Variants in SALL3 observed in about 807,000 individuals in gnomAD.
SALL3 encodes the protein spalt like transcription factor 3.
In SALL3, 25 loss-of-function variants were observed where a neutral mutation model predicts 66.2. That is an observed-to-expected ratio of 0.38 (90% CI 0.28 to 0.53). The LOEUF (loss-of-function observed/expected upper bound fraction) is 0.53. Ranked by LOEUF, SALL3 falls within the 20% of genes least tolerant of loss-of-function variation. SALL3 has a pLI of 0.85. For synonymous variants in SALL3, 1,152 were observed against 899.1 expected (o/e 1.28, Z -5.03); for missense variants, 2,194 against 1,916.5 (o/e 1.14, Z -2.70).
rs376742118 is a variant in SALL3 at position 78,992,126 on chromosome 18, C to A, written c.135C>A (p.Ser45Arg). 4 of 1,598,496 alleles carry A rather than the reference C, an allele frequency of 2.5e-6. No individual in the cohort carries two copies. Among genetic ancestry groups the A allele is most frequent in the Non-Finnish European group, 3.4e-6 (4 of 1,173,654 alleles). ...EDADSGPESR[S>R]GGEETSVCEK... is the part of the protein sequence containing the mutation. ...CAGACAGCGGGCCCGAGAGCCGCAG[C>A]GGGGGCGAGGAGACCAGCGTGTGCG... The change falls in exon 2 of 3, where the codon AGC becomes AGA. Residue 45 changes from serine (S) to arginine (R), a missense_variant. Transcript: ENST00000537592.
Position 78,993,586 on chromosome 18 carries a change from C to T in SALL3, c.1595C>T (p.Pro532Leu), listed in dbSNP as rs374632974. Reference protein sequence around the residue: ...VPTSVGLQLPPTVPGAHGYAD... With the variant: ...VPTSVGLQLPLTVPGAHGYAD... ...ACGTCCGTGGGGCTGCAACTGCCGC[C>T]CACTGTCCCTGGCGCGCACGGCTAC... Residue 532 changes from proline (P) to leucine (L), a missense_variant, in exon 2 of 3, where the codon CCC becomes CTC. Coordinates refer to ENST00000537592, the MANE Select transcript of SALL3 (RefSeq NM_171999.4). The T allele has an allele frequency of 7.6e-6, 12 of 1,589,264 alleles. No homozygotes were observed. The African/African-American group carries it at 8.1e-5, about 11-fold the overall frequency.
In SALL3 at chr18:78,994,761, G is replaced by T. The variant is rs1408159913; in HGVS notation, c.2770G>T (p.Ala924Ser). ...SFRSKSPGLG[A>S]PEEPQEIPLK... The stretch of plus-strand genomic sequence containing the variant: ...CCGCTCCAAGTCCCCGGGCCTGGGC[G>T]CCCCGGAGGAGCCCCAGGAAATCCC... The change falls in exon 2 of 3, where the codon GCC (alanine) becomes TCC (serine). Residue 924 changes from alanine (A) to serine (S), a missense_variant. Ala to Ser is a moderately conservative substitution (Grantham distance 99). Transcript: ENST00000537592. The T allele has an allele frequency of 6.3e-7, 1 of 1,599,750 alleles. No homozygotes were observed. Among genetic ancestry groups the T allele is most frequent in the South Asian group, 1.1e-5 (1 of 90,574 alleles).
chr18:78,992,311 C>G lies in SALL3; in HGVS notation c.320C>G (p.Ala107Gly). 2.0e-6 allele frequency: 3 copies of G among 1,499,446 alleles called. No homozygotes were observed. The highest frequency in any genetic ancestry group is 2.6e-6 in the Non-Finnish European group (3 of 1,133,508). 92.9% of individuals were successfully genotyped at this position (1,499,446 alleles called of 1,614,324 possible). A position where few individuals can be genotyped will look rare whatever the true frequency, so the allele number is the denominator to read the frequency against. The change falls in exon 2 of 3, where the codon GCC becomes GGC. Residue 107 changes from alanine to glycine, a missense_variant. Coordinates refer to ENST00000537592, the MANE Select transcript of SALL3 (RefSeq NM_171999.4). ...PSPASSPSER[A>G]ESEAAEEAGA... ...CCCGCCAGCTCCCCCAGCGAGCGCG[C>G]CGAAAGCGAGGCGGCCGAGGAGGCG...
At chr18:78,992,043 C>G (rs753330640) in intron 1 of SALL3, 31 bp from the exon 2 acceptor site, 7 of 1,393,338 alleles carry the variant, frequency 5.0e-6, no homozygotes, top group Non-Finnish European at 6.5e-6. Context: ...GGGCGCCGAG[C>G]CCCGGCTGAC....
At chr18:78,990,468 CA>C (rs1346387446) in intron 1 of SALL3, among the ~76,000 whole-genome samples, 1 of 152,138 alleles carries the variant, frequency 6.6e-6, no homozygotes, top group Non-Finnish European at 1.5e-5. Context: ...AAACTAGCCT[CA>C]AAAAATATTT....
At chr18:78,984,577 A>C (rs999175449) in intron 1 of SALL3, among the ~76,000 whole-genome samples, 4 of 152,182 alleles carry the variant, frequency 2.6e-5, no homozygotes, top group African/African-American at 7.2e-5. Flanking sequence ...AATGAAACAA[A>C]CTGTATGTAA....
In SALL3 at chr18:78,993,944, G is replaced by C. The variant is rs1261682376; in HGVS notation, c.1953G>C (p.Gly651=). ...TCAAGGCCCAGTTTCCGTTCGGGGG[G>C]CTGCTAGACTCGATGCAAACGTCGG... ...EQFKAQFPFG[G]LLDSMQTSET... is the part of the protein sequence containing the mutation. The change falls in exon 2 of 3, where the codon GGG becomes GGC. Residue 651 remains glycine (G), a synonymous_variant. Coordinates refer to ENST00000537592, the MANE Select transcript of SALL3 (RefSeq NM_171999.4). 1 of 1,609,846 alleles carries C rather than the reference G, an allele frequency of 6.2e-7. No homozygotes were observed. The highest frequency in any genetic ancestry group is 8.5e-7 in the Non-Finnish European group (1 of 1,178,624).
rs1914635758 is a variant in SALL3 at position 78,995,006 on chromosome 18, C to T, written c.3015C>T (p.Phe1005=). Residue 1005 remains phenylalanine, a synonymous_variant, in exon 2 of 3, where the codon TTC becomes TTT. Transcript: ENST00000537592. ...HYRSHTKERP[F]VCALCRRGCS... The stretch of plus-strand genomic sequence containing the variant: ...GCAGCCATACTAAGGAGCGGCCATT[C>T]GTCTGCGCGCTCTGCAGGCGAGGGT... The T allele has an allele frequency of 6.2e-7, 1 of 1,613,918 alleles. No individual in the cohort carries two copies. Among genetic ancestry groups the T allele is most frequent in the Non-Finnish European group, 8.5e-7 (1 of 1,180,030 alleles).
Position 78,994,989 on chromosome 18 carries a change from A to G in SALL3, c.2998A>G (p.Thr1000Ala), listed in dbSNP as rs768221243. The G allele has an allele frequency of 2.5e-6, 4 of 1,613,866 alleles. No individual in the cohort carries two copies. Among genetic ancestry groups the G allele is most frequent in the South Asian group, 1.1e-5 (1 of 91,086 alleles). ...SALEIHYRSH[T>A]KERPFVCALC... Reference sequence around the variant, plus strand: ...GTTGGAAATCCACTACCGCAGCCATACTAAGGAGCGGCCATTCGTCTGCGC... The same window carrying G: ...GTTGGAAATCCACTACCGCAGCCATGCTAAGGAGCGGCCATTCGTCTGCGC... The change falls in exon 2 of 3, where the codon ACT (threonine) becomes GCT (alanine). Residue 1000 changes from threonine to alanine, a missense_variant. Physicochemically the swap from Thr to Ala is moderately conservative, Grantham distance 58. Coordinates refer to ENST00000537592, the MANE Select transcript of SALL3 (RefSeq NM_171999.4).
Position 78,993,056 on chromosome 18 carries a change from G to A in SALL3, c.1065G>A (p.Ala355=), listed in dbSNP as rs765949489. Residue 355 remains alanine, a synonymous_variant, in exon 2 of 3, where the codon GCG becomes GCA. Transcript: ENST00000537592. ...ALAPGSLLGA[A]PGLPSPLLPQ... is the part of the protein sequence containing the mutation. The stretch of plus-strand genomic sequence containing the variant: ...CCCCGGGGTCCCTGCTGGGTGCGGC[G>A]CCCGGCCTGCCAAGTCCGCTTCTAC... 6.9e-6 allele frequency: 11 copies of A among 1,586,314 alleles called. No individual in the cohort carries two copies. In the East Asian group the frequency reaches 1.4e-4, roughly 20 times the overall value.
At chr18:78,991,424 A>G (rs959729881) in intron 1 of SALL3, among the ~76,000 whole-genome samples, 1 of 147,762 alleles carries the variant, frequency 6.8e-6, no homozygotes, top group Non-Finnish European at 1.5e-5. Context: ...GTTGGCGGAG[A>G]TTGTTTTTCT....
rs1345531855 is a variant in SALL3 at position 78,995,046 on chromosome 18, A to G, written c.3055A>G (p.Asn1019Asp). The change falls in exon 2 of 3, where the codon AAT (asparagine) becomes GAT (aspartate). Residue 1019 changes from asparagine (N) to aspartate (D), a missense_variant. Transcript: ENST00000537592. ...CAGGCGAGGGTGCTCCACTATGGGT[A>G]ATTTAAAACAGCACTTACTGACACA... ...LCRRGCSTMG[N>D]LKQHLLTHRL... is the part of the protein sequence containing the mutation. 3.1e-6 allele frequency: 5 copies of G among 1,613,830 alleles called. No individual in the cohort carries two copies. In the South Asian group the frequency reaches 3.3e-5, roughly 11 times the overall value.
intron 1 of SALL3, among the ~76,000 whole-genome samples, chr18:78,985,746 G>A (rs934745760): frequency 6.6e-6 from 1 of 152,150 alleles, no homozygotes; most frequent in African/African-American, 2.4e-5. Context: ...TGTCTAAGTG[G>A]TTTTGCGTAT....
intron 1 of SALL3, among the ~76,000 whole-genome samples, chr18:78,988,755 C>T (rs756549603): frequency 5.9e-5 from 9 of 152,128 alleles, no homozygotes; most frequent in Non-Finnish European, 7.4e-5. Flanking sequence ...CTGGGGCACG[C>T]GAGAACAATT....
chr18:78,993,631 C>T lies in SALL3; in HGVS notation c.1640C>T (p.Thr547Ile), dbSNP rs780957874. ...AHGYADSPSA[T>I]PASRSPQRPS... ...GGCTACGCCGACTCTCCCAGCGCCACCCCAGCCAGCCGCTCCCCGCAGAGG... is the reference window on the plus strand; with the variant it reads ...GGCTACGCCGACTCTCCCAGCGCCATCCCAGCCAGCCGCTCCCCGCAGAGG... Residue 547 changes from threonine (T) to isoleucine (I), a missense_variant, in exon 2 of 3, where the codon ACC (threonine) becomes ATC (isoleucine). Thr to Ile is a moderately conservative substitution (Grantham distance 89). Transcript: ENST00000537592. 6 of 1,586,788 alleles carry T rather than the reference C, an allele frequency of 3.8e-6. No individual in the cohort carries two copies. The highest frequency in any genetic ancestry group is 5.1e-6 in the Non-Finnish European group (6 of 1,174,050).
At chr18:78,980,876 C>G (rs970504197) in intron 1 of SALL3, among the ~76,000 whole-genome samples, 3 of 152,182 alleles carry the variant, frequency 2.0e-5, no homozygotes, top group Non-Finnish European at 2.9e-5. Flanking sequence ...CGCGTTGACG[C>G]AGCCTGTGAT....
In SALL3 at chr18:78,997,888, ATT is replaced by A. The variant is rs34639588; in HGVS notation, c.*576_*577del. ...ACTGCAGAATACATCTGGCTGTGTG[ATT>A]TTTTTTTTTAAGCAAGATTTGTTTT... On this transcript the variant is annotated 3_prime_UTR_variant, in exon 3 of 3. Transcript: ENST00000537592. 1.3e-4 allele frequency: 19 copies of A among 151,604 alleles called. No homozygotes were observed. The highest frequency in any genetic ancestry group is 5.8e-4 in the East Asian group (3 of 5,180). 9.4% of individuals were successfully genotyped at this position (151,604 alleles called of 1,614,324 possible).
intron 1 of SALL3, among the ~76,000 whole-genome samples, chr18:78,981,568 A>T (rs1914074427): frequency 1.3e-5 from 2 of 152,232 alleles, no homozygotes; most frequent in Non-Finnish European, 2.9e-5. Flanking sequence ...ACGAGAGAGC[A>T]TGCTTATGAC....
chr18:78,994,936 G>A lies in SALL3; in HGVS notation c.2945G>A (p.Cys982Tyr). The A allele has an allele frequency of 6.2e-7, 1 of 1,613,674 alleles. No individual in the cohort carries two copies. The highest frequency in any genetic ancestry group is 8.5e-7 in the Non-Finnish European group (1 of 1,180,016). Residue 982 changes from cysteine to tyrosine, a missense_variant, in exon 2 of 3, where the codon TGT becomes TAT. By Grantham distance (194) the Cys-to-Tyr change is radical (BLOSUM62 -2). Coordinates refer to ENST00000537592, the MANE Select transcript of SALL3 (RefSeq NM_171999.4). ...GKCPSTVCGVCGKPFACKSAL... is the reference protein window; with the variant it reads ...GKCPSTVCGVYGKPFACKSAL... ...TGTCCCAGCACTGTGTGTGGTGTCT[G>A]TGGCAAGCCTTTTGCTTGCAAGAGC... is the stretch of plus-strand genomic sequence containing the variant.
Sources: allele counts gnomAD v4.1 joint callset (sites outside exome capture counted in the v4.1 genomes callset), GRCh38; gene constraint gnomAD v4.1.1; transcripts MANE v1.5; gene names NCBI Gene and HGNC (gene_info 2026-07-23, HGNC 2026-07-21).